GALNT18: variants seen among roughly 807,000 people sequenced by gnomAD.
GALNT18 encodes the protein polypeptide N-acetylgalactosaminyltransferase 18.
GALNT18 carries 44 observed loss-of-function variants against 69.5 expected under a neutral mutation model. That is an observed-to-expected ratio of 0.63 (90% CI 0.50 to 0.81). The LOEUF (loss-of-function observed/expected upper bound fraction) is 0.81, where lower values mean the gene tolerates loss of function less well. Among genes scored for constraint, GALNT18 ranks in the 40% least tolerant of loss-of-function variants. The pLI is 0.00. For synonymous variants in GALNT18, 364 were observed against 318.2 expected (o/e 1.14, Z -1.53); for missense variants, 715 against 810.0 (o/e 0.88, Z 1.42).
Position 11,432,816 on chromosome 11 carries a change from T to C in GALNT18, c.429-29A>G, listed in dbSNP as rs1318456852. The C allele has an allele frequency of 2.5e-6, 4 of 1,605,050 alleles. No individual in the cohort carries two copies. In the African/African-American group the frequency reaches 5.3e-5, roughly 21 times the overall value. ...CAAAGAACAGCCAAGCGCTTAGATT[T>C]GTGACTCAGCTGGAGTCATCTCAGG... On this transcript the variant is annotated intron_variant, in intron 2 of 10. Transcript: ENST00000227756. The surrounding 1 kb of genome is among the most constrained non-coding windows in gnomAD (Gnocchi z 5.8).
intron 1 of GALNT18, among the ~76,000 whole-genome samples, chr11:11,579,026 C>A (rs1310318623): frequency 6.6e-6 from 1 of 152,154 alleles, no homozygotes; most frequent in Non-Finnish European, 1.5e-5. Flanking sequence ...CATCACAGGG[C>A]AGCCAGGGAA....
At chr11:11,484,477 T>C (rs12276300) in intron 1 of GALNT18, among the ~76,000 whole-genome samples, 49,031 of 150,756 alleles carry the variant, frequency 0.33, 8,153 homozygotes, top group East Asian at 0.43. Context: ...CCTGTAATCC[T>C]AGCTACTTAG....
intron 3 of GALNT18, among the ~76,000 whole-genome samples, chr11:11,393,148 C>A (rs867195343): frequency 6.6e-6 from 1 of 152,212 alleles, no homozygotes; most frequent in South Asian, 2.1e-4. Flanking sequence ...AGACTTGAAA[C>A]AGCACCCATG....
chr11:11,364,787 T>C lies in GALNT18; in HGVS notation c.1092+7728A>G, dbSNP rs140229482. On this transcript the variant is annotated intron_variant, in intron 6 of 10. Transcript: ENST00000227756. ...GGTTCTTTAAAAGTCCTTATCTATT[T>C]TGGATACATACTGAAATATTTTTGA... Among the ~76,000 whole-genome samples, 511 of 152,304 alleles carry C rather than the reference T, an allele frequency of 3.4e-3. 1 individual carries two copies. Among genetic ancestry groups the C allele is most frequent in the African/African-American group, 0.012 (487 of 41,568 alleles).
At chr11:11,489,840 AG>A (rs1217300682) in intron 1 of GALNT18, among the ~76,000 whole-genome samples, 1 of 152,188 alleles carries the variant, frequency 6.6e-6, no homozygotes, top group Non-Finnish European at 1.5e-5. Flanking sequence ...AGACACAGAA[AG>A]TTTATATTAA....
chr11:11,524,015 C>G (rs1221814970), intron 1 of GALNT18, among the ~76,000 whole-genome samples: 1 of 146,920 alleles, frequency 6.8e-6, no homozygotes, highest in Non-Finnish European at 1.5e-5. Flanking sequence ...CCTGGCACTT[C>G]AGCTAGTGCG....
At chr11:11,295,842 GGATGTCCAGCTTT>G (rs966508399) in intron 9 of GALNT18, among the ~76,000 whole-genome samples, 2 of 152,170 alleles carry the variant, frequency 1.3e-5, no homozygotes, top group African/African-American at 4.8e-5. Flanking sequence ...GCCAAATGTG[GGATGTCCAGCTTT>G]GATGTGGAAA....
chr11:11,476,411 G>A (rs989202750), intron 1 of GALNT18: 6 of 152,194 alleles, frequency 3.9e-5, no homozygotes, highest in African/African-American at 1.4e-4. Flanking sequence ...GGTGAACAGA[G>A]CTAGTTGGAC....
rs565655053 is a variant in GALNT18 at position 11,618,578 on chromosome 11, G to A, written c.235+2781C>T. On this transcript the variant is annotated intron_variant, in intron 1 of 10. Transcript: ENST00000227756. This position sits in a 1 kb window ranked among gnomAD's most constrained non-coding sequence, Gnocchi z 6.1. ...CCAAGGGACCCTGGGGCCCTCCTGG[G>A]AGACAGTTTAGTACGTGGGTAAGAA... Among the ~76,000 whole-genome samples the A allele has an allele frequency of 1.3e-5, 2 of 152,276 alleles. No homozygotes were observed. Among genetic ancestry groups the A allele is most frequent in the South Asian group, 2.1e-4 (1 of 4,822 alleles).
rs4910383 is a variant in GALNT18, at chr11:11,543,456, C to T, written c.235+77903G>A. Among the ~76,000 whole-genome samples, 5,322 of 152,266 alleles carry T rather than the reference C, an allele frequency of 0.035. 204 individuals carry two copies. The highest frequency in any genetic ancestry group is 0.12 in the Admixed American group (1,783 of 15,292). On this transcript the variant is annotated intron_variant, in intron 1 of 10. Transcript: ENST00000227756. This position sits in a 1 kb window ranked among gnomAD's most constrained non-coding sequence, Gnocchi z 5.1. ...CACCCATTTTAGGTCGGGGATGTCC[C>T]TTCTCTGCTACCCTGTCCCCACCGT...
In GALNT18 at chr11:11,511,185, G is replaced by A. The variant is rs970032830; in HGVS notation, c.236-62249C>T. Among the ~76,000 whole-genome samples the A allele has an allele frequency of 4.6e-5, 7 of 152,176 alleles. No homozygotes were observed. Among genetic ancestry groups the A allele is most frequent in the Non-Finnish European group, 8.8e-5 (6 of 68,032 alleles). On this transcript the variant is annotated intron_variant, in intron 1 of 10. Coordinates refer to ENST00000227756, the MANE Select transcript of GALNT18 (RefSeq NM_198516.3). The surrounding 1 kb of genome is among the most constrained non-coding windows in gnomAD (Gnocchi z 4.9). ...AATGAGGTTTCTCGCTGTGAATAAT[G>A]GCATTGAAGTATTCAAGGGCTGCAT...
intron 1 of GALNT18, among the ~76,000 whole-genome samples, chr11:11,537,082 G>C (rs919475517): frequency 1.3e-5 from 2 of 152,092 alleles, no homozygotes; most frequent in African/African-American, 4.8e-5. Flanking sequence ...AGACACTGTT[G>C]CAAGTGCTTT....
intron 1 of GALNT18, among the ~76,000 whole-genome samples, chr11:11,485,901 G>T (rs1265140787): frequency 6.6e-6 from 1 of 152,168 alleles, no homozygotes; most frequent in African/African-American, 2.4e-5. Flanking sequence ...GCCAGTAAAA[G>T]TTGCTGCCCT....
intron 1 of GALNT18, among the ~76,000 whole-genome samples, chr11:11,525,443 C>T (rs536260052): frequency 6.2e-4 from 95 of 152,038 alleles, no homozygotes; most frequent in South Asian, 1.7e-3. Context: ...AAAAAGTTCA[C>T]GAAACATTTC....
In GALNT18 at chr11:11,372,797, C is replaced by T. The variant is rs946213175; in HGVS notation, c.978-168G>A. 3.3e-5 allele frequency among the ~76,000 whole-genome samples: 5 copies of T among 152,224 alleles called. No individual in the cohort carries two copies. Among genetic ancestry groups the T allele is most frequent in the Non-Finnish European group, 7.3e-5 (5 of 68,040 alleles). On this transcript the variant is annotated intron_variant, in intron 5 of 10. Coordinates refer to ENST00000227756, the MANE Select transcript of GALNT18 (RefSeq NM_198516.3). The surrounding 1 kb of genome is among the most constrained non-coding windows in gnomAD (Gnocchi z 4.9). ...CCCTGGGTCTGGCCTCACCCAACCA[C>T]TCCAGAAAGGCTGTTTCATCCGGGC...
At chr11:11,311,445 G>T (rs553811192) in intron 9 of GALNT18, among the ~76,000 whole-genome samples, 2 of 152,188 alleles carry the variant, frequency 1.3e-5, no homozygotes, top group Non-Finnish European at 2.9e-5. Flanking sequence ...TTGAATGGGG[G>T]AATGAATTAT....
chr11:11,413,620 G>A lies in GALNT18; in HGVS notation c.595+19001C>T, dbSNP rs985898251. Among the ~76,000 whole-genome samples, 2 of 152,226 alleles carry A rather than the reference G, an allele frequency of 1.3e-5. No homozygotes were observed. The highest frequency in any genetic ancestry group is 4.8e-5 in the African/African-American group (2 of 41,456). On this transcript the variant is annotated intron_variant, in intron 3 of 10. Transcript: ENST00000227756. This position sits in a 1 kb window ranked among gnomAD's most constrained non-coding sequence, Gnocchi z 4.7. ...ATATCAGAGCCACTCCTTCCCAGAA[G>A]CCTCCACTCTGGGTCTGTGGCTGCA... is the stretch of plus-strand genomic sequence containing the variant.
chr11:11,545,302 G>A (rs1246532558), intron 1 of GALNT18, among the ~76,000 whole-genome samples: 4 of 152,290 alleles, frequency 2.6e-5, no homozygotes, highest in African/African-American at 4.8e-5. Flanking sequence ...AGCAACAACC[G>A]AAACCAGTCT....
intron 1 of GALNT18, among the ~76,000 whole-genome samples, chr11:11,509,637 C>A (rs996099573): frequency 2.1e-4 from 32 of 152,198 alleles, no homozygotes; most frequent in African/African-American, 7.5e-4. Context: ...GAATGACTTT[C>A]CCCCCTCTCC....
Sources: gnomAD v4.1 joint callset for allele counts (sites outside exome capture counted in the v4.1 genomes callset) on GRCh38, gnomAD v4.1.1 for gene constraint, Gnocchi (gnomAD v3.1) non-coding constraint, MANE v1.5 for transcripts, NCBI Gene and HGNC (gene_info 2026-07-23, HGNC 2026-07-21) for gene names.